Variants in PSPH observed in about 807,000 individuals in gnomAD.
The protein encoded by PSPH is phosphoserine phosphatase, also known as L-3-phosphoserine phosphatase.
Under a neutral mutation model 23.4 loss-of-function variants are expected in PSPH, and 16 were observed. The ratio of observed to expected loss-of-function variants is 0.68; its 90% CI spans 0.46 to 1.04. The LOEUF is 1.04. Among genes scored for constraint, PSPH ranks in the 50% least tolerant of loss-of-function variants. PSPH has a pLI of 0.00. For missense variants in PSPH, 223 were observed against 273.7 expected, an observed-to-expected ratio of 0.81 and a Z score of 1.31; for synonymous variants, 68 against 99.7, an observed-to-expected ratio of 0.68 and a Z score of 1.89.
intron 2 of PSPH, 144 bp from the exon 3 acceptor site, chr7:56,032,198 A>G (rs949906276): frequency 2.0e-5 from 3 of 152,206 alleles, no homozygotes; most frequent in Admixed American, 6.6e-5. Flanking sequence ...CCTCTGGGAA[A>G]TGCTTTACTC....
chr7:56,024,399 GA>G (rs572469324), intron 3 of PSPH, among the ~76,000 whole-genome samples: 18 of 149,772 alleles, frequency 1.2e-4, no homozygotes, highest in Admixed American at 5.3e-4. Context: ...TTAAACAGTT[GA>G]AAAAAAAATC....
intron 4 of PSPH, among the ~76,000 whole-genome samples, chr7:56,020,254 A>G (rs1164741990): frequency 1.3e-5 from 2 of 151,886 alleles, no homozygotes; most frequent in Non-Finnish European, 2.9e-5. Context: ...ATCCATAGGT[A>G]TTTTTCTTGC....
chr7:56,035,578 C>T (rs1183538431), intron 1 of PSPH, among the ~76,000 whole-genome samples: 1 of 152,154 alleles, frequency 6.6e-6, no homozygotes, highest in East Asian at 1.9e-4. Context: ...CACTTGGTCA[C>T]AGCATCTCTA....
intron 1 of PSPH, among the ~76,000 whole-genome samples, chr7:56,049,772 G>C (rs1344782005): frequency 1.4e-5 from 2 of 147,408 alleles, no homozygotes; most frequent in African/African-American, 5.1e-5. Flanking sequence ...GAGGAATCTC[G>C]CTCTGTTGCC....
chr7:56,012,072 C>CT (rs886759560), intron 7 of PSPH, among the ~76,000 whole-genome samples: 4 of 150,988 alleles, frequency 2.6e-5, no homozygotes, highest in African/African-American at 7.3e-5. Context: ...CGCCTGGCTA[C>CT]TTTTTTTTAT....
chr7:56,024,382 T>G (rs891632873), intron 3 of PSPH, among the ~76,000 whole-genome samples: 3 of 152,052 alleles, frequency 2.0e-5, no homozygotes, highest in Admixed American at 2.0e-4. Flanking sequence ...TGGCTGATTT[T>G]TACATTTTAA....
rs1477135644 is a variant in PSPH, at chr7:56,051,336, G to C, written c.-490C>G. ...TACCTTGCATTCTATCTTCATCTTC[G>C]CTAGGCCTCACAGCACCGCATGATT... On this transcript the variant is annotated 5_prime_UTR_variant, in exon 1 of 8. Coordinates refer to ENST00000275605, the MANE Select transcript of PSPH (RefSeq NM_004577.4). 1 of 164,594 alleles carries C rather than the reference G, an allele frequency of 6.1e-6. No individual in the cohort carries two copies. Among genetic ancestry groups the C allele is most frequent in the Non-Finnish European group, 1.3e-5 (1 of 75,534 alleles). 10.2% of individuals were successfully genotyped at this position (164,594 alleles called of 1,614,324 possible).
At chr7:56,047,159 G>C (rs1793356310) in intron 1 of PSPH, among the ~76,000 whole-genome samples, 1 of 151,986 alleles carries the variant, frequency 6.6e-6, no homozygotes, top group African/African-American at 2.4e-5. Flanking sequence ...TGAGGCAGGA[G>C]GACTGCTTGA....
At chr7:56,037,282 G>A (rs989446737) in intron 1 of PSPH, among the ~76,000 whole-genome samples, 2 of 151,780 alleles carry the variant, frequency 1.3e-5, no homozygotes, top group African/African-American at 4.8e-5. Flanking sequence ...TGGAATAATA[G>A]CACATAAGAA....
At chr7:56,018,362 A>C (rs549322317) in intron 5 of PSPH, among the ~76,000 whole-genome samples, 7,938 of 152,074 alleles carry the variant, frequency 0.052, 281 homozygotes, top group Middle Eastern at 0.078. Flanking sequence ...CAACAACAAA[A>C]AAAAAACAAT....
At chr7:56,040,922 GGAAACCCTTGTAA>G in intron 1 of PSPH, among the ~76,000 whole-genome samples, 1 of 152,144 alleles carries the variant, frequency 6.6e-6, no homozygotes, top group South Asian at 2.1e-4. Flanking sequence ...GAAAGGGAGT[GGAAACCCTTGTAA>G]CCCAAGGGGT....
rs1243134428 is a variant in PSPH at position 56,031,237 on chromosome 7, AAAAC to A, written c.-20+688_-20+691del. On this transcript the variant is annotated intron_variant, in intron 3 of 7. Coordinates refer to ENST00000275605, the MANE Select transcript of PSPH (RefSeq NM_004577.4). ...CGTCTCAAAAAAAAAAAAAACAAAC[AAAAC>A]AAACAAACAAAAAAAACTGAGGACT... Among the ~76,000 whole-genome samples the A allele has an allele frequency of 1.4e-3, 205 of 151,592 alleles. 1 individual carries two copies. The highest frequency in any genetic ancestry group is 4.7e-3 in the African/African-American group (194 of 41,378).
rs1165607304 is a variant in PSPH, at chr7:56,011,647, A to C, written c.*115T>G. 2.4e-6 allele frequency: 2 copies of C among 816,966 alleles called. No individual in the cohort carries two copies. Among genetic ancestry groups the C allele is most frequent in the Admixed American group, 2.0e-5 (1 of 50,906 alleles). 50.6% of individuals were successfully genotyped at this position (816,966 alleles called of 1,614,324 possible). A position where few individuals can be genotyped will look rare whatever the true frequency, so the allele number is the denominator to read the frequency against. On this transcript the variant is annotated 3_prime_UTR_variant, in exon 8 of 8. Transcript: ENST00000275605. ...CTAACTGTAGTTTAAAGTACAGATC[A>C]TTTGTACCAACTTTCTATAGCAAGT...
intron 3 of PSPH, among the ~76,000 whole-genome samples, chr7:56,028,866 T>A (rs1469827598): frequency 6.6e-6 from 1 of 152,108 alleles, no homozygotes; most frequent in Non-Finnish European, 1.5e-5. Flanking sequence ...TTGCCCAGGA[T>A]GGAGTGCAGT....
chr7:56,026,898 G>T (rs1351067177), intron 3 of PSPH, among the ~76,000 whole-genome samples: 1 of 151,954 alleles, frequency 6.6e-6, no homozygotes, highest in Non-Finnish European at 1.5e-5. Flanking sequence ...ATAAGCTAAA[G>T]AACTTTTTAA....
At chr7:56,047,379 A>T (rs2117217378) in intron 1 of PSPH, among the ~76,000 whole-genome samples, 1 of 150,884 alleles carries the variant, frequency 6.6e-6, no homozygotes, top group South Asian at 2.1e-4. Context: ...ACAGGGTGAG[A>T]CCCTGTCTCA....
intron 1 of PSPH, among the ~76,000 whole-genome samples, chr7:56,040,880 A>T (rs772955406): frequency 3.3e-5 from 5 of 152,068 alleles, no homozygotes; most frequent in Non-Finnish European, 7.3e-5. Flanking sequence ...GAGCAGGGAT[A>T]CAAAGAACTG....
At chr7:56,013,777 T>C (rs1191554487) in intron 7 of PSPH, among the ~76,000 whole-genome samples, 1 of 151,834 alleles carries the variant, frequency 6.6e-6, no homozygotes, top group East Asian at 1.9e-4. Flanking sequence ...TGCTCTGATA[T>C]GTTACAGGTA....
At chr7:56,017,065 A>G (rs537331691) in intron 6 of PSPH, among the ~76,000 whole-genome samples, 169 bp downstream of exon 6, 2 of 152,288 alleles carry the variant, frequency 1.3e-5, no homozygotes, top group East Asian at 1.9e-4. Context: ...ACCTAAGTCT[A>G]TTTTGCTGAG....
Sources: gnomAD v4.1 joint callset for allele counts (sites outside exome capture counted in the v4.1 genomes callset) on GRCh38, gnomAD v4.1.1 for gene constraint, MANE v1.5 for transcripts, NCBI Gene and HGNC (gene_info 2026-07-23, HGNC 2026-07-21) for gene names.